The following CDH11 variants were observed in gnomAD, a reference collection of about 807,000 sequenced individuals.
The protein encoded by CDH11 is cadherin-11.
Under a neutral mutation model 67.8 loss-of-function variants are expected in CDH11, and 11 were observed. That is an observed-to-expected ratio of 0.16 (90% confidence interval 0.10 to 0.27). CDH11 has a LOEUF of 0.27. Among genes scored for constraint, CDH11 ranks in the 10% least tolerant of loss-of-function variants. The pLI is 1.00. For synonymous variants in CDH11, 419 were observed against 400.0 expected (o/e 1.05, Z -0.57); for missense variants, 847 against 1,031.2 (o/e 0.82, Z 2.45).
intron 2 of CDH11, among the ~76,000 whole-genome samples, chr16:65,041,014 T>G (rs1319724289): frequency 6.6e-6 from 1 of 152,144 alleles, no homozygotes; most frequent in Admixed American, 6.5e-5. Flanking sequence ...TAGAACATAT[T>G]TTACTAACCA....
chr16:64,951,135 G>A (rs190098756), intron 11 of CDH11, 117 bp from the exon 12 acceptor site: 5 of 971,420 alleles, frequency 5.1e-6, no homozygotes, highest in East Asian at 5.2e-5. Flanking sequence ...CGCCAGAATC[G>A]TTCTTACTTG....
intron 1 of CDH11, among the ~76,000 whole-genome samples, chr16:65,063,313 C>T (rs568019226): frequency 6.6e-6 from 1 of 152,028 alleles, no homozygotes; most frequent in South Asian, 2.1e-4. Flanking sequence ...TTACTAACTC[C>T]ATTGTTAAGA....
intron 7 of CDH11, chr16:64,986,740 C>T (rs1567510030): frequency 6.6e-6 from 1 of 152,078 alleles, no homozygotes; most frequent in Non-Finnish European, 1.5e-5. Context: ...TAGACTTTTC[C>T]AAGTATCCAA....
At chr16:65,027,805 C>A (rs2073563902) in intron 2 of CDH11, among the ~76,000 whole-genome samples, 1 of 152,182 alleles carries the variant, frequency 6.6e-6, no homozygotes, top group African/African-American at 2.4e-5. Flanking sequence ...CATCCTCCAT[C>A]TCTTCCATGC....
intron 2 of CDH11, among the ~76,000 whole-genome samples, chr16:65,029,439 T>C (rs947551185): frequency 2.0e-5 from 3 of 152,222 alleles, no homozygotes; most frequent in Non-Finnish European, 4.4e-5. Context: ...GACTGAACTT[T>C]GAGCAGACAG....
At chr16:65,114,991 C>T (rs908276175) in intron 1 of CDH11, among the ~76,000 whole-genome samples, 1 of 152,114 alleles carries the variant, frequency 6.6e-6, no homozygotes, top group Non-Finnish European at 1.5e-5. Flanking sequence ...GAAAAACAAA[C>T]AGGAACAGTC....
At chr16:65,003,757 T>C (rs1278199222) in intron 3 of CDH11, among the ~76,000 whole-genome samples, 3 of 152,254 alleles carry the variant, frequency 2.0e-5, no homozygotes, top group Non-Finnish European at 4.4e-5. Flanking sequence ...GGTTTTACCA[T>C]GCCTGTGGAA....
intron 11 of CDH11, among the ~76,000 whole-genome samples, chr16:64,965,798 ACACACACACACACACACAC>A (rs2071808963): frequency 6.6e-6 from 1 of 151,110 alleles, no homozygotes; most frequent in Non-Finnish European, 1.5e-5. Flanking sequence ...ACACACACAC[ACACACACACACACACACAC>A]AAGCTTATTT....
At chr16:65,098,492 C>T (rs2074936718) in intron 1 of CDH11, among the ~76,000 whole-genome samples, 2 of 151,848 alleles carry the variant, frequency 1.3e-5, no homozygotes, top group African/African-American at 4.8e-5. Context: ...GCTGGAGAAT[C>T]GCAGATTGCA....
intron 3 of CDH11, among the ~76,000 whole-genome samples, chr16:64,999,754 C>T (rs546034032): frequency 8.7e-4 from 132 of 152,198 alleles, no homozygotes; most frequent in African/African-American, 2.8e-3. Flanking sequence ...AGGCTGGTCT[C>T]GAACCCCTGA....
chr16:64,945,301 T>TAAAAAA lies in CDH11; in HGVS notation c.*2296_*2301dup, dbSNP rs3046001. 13 of 388,302 alleles carry TAAAAAA rather than the reference T, an allele frequency of 3.3e-5. No individual in the cohort carries two copies. Among genetic ancestry groups the TAAAAAA allele is most frequent in the Admixed American group, 1.5e-4 (2 of 13,050 alleles). 24.1% of individuals were successfully genotyped at this position (388,302 alleles called of 1,614,324 possible). A position where few individuals can be genotyped will look rare whatever the true frequency, so the allele number is the denominator to read the frequency against. Reference sequence around the variant, plus strand: ...AGAGGCTTAACGAAAAAATAAAAGGTAAAAAAAAAAAAAAAAAAGAAAAAG... The same window carrying TAAAAAA: ...AGAGGCTTAACGAAAAAATAAAAGGTAAAAAAAAAAAAAAAAAAAAAAAAGAAAAAG... On this transcript the variant is annotated 3_prime_UTR_variant, in exon 13 of 13. Coordinates refer to ENST00000268603, the MANE Select transcript of CDH11 (RefSeq NM_001797.4).
chr16:65,061,769 C>T (rs145269777), intron 1 of CDH11, among the ~76,000 whole-genome samples: 108 of 152,246 alleles, frequency 7.1e-4, no homozygotes, highest in Non-Finnish European at 1.2e-3. Flanking sequence ...CTGAATGTTC[C>T]GCAGACACAA....
Position 65,121,764 on chromosome 16 carries a change from C to G in CDH11, c.-298+116G>C. ...TAGTGAAGCCTTCTCGACTCAGATA[C>G]CACCGTCCCCCTCACCACCCCGCCC... On this transcript the variant is annotated intron_variant, in intron 1 of 12. Transcript: ENST00000268603. The surrounding 1 kb of genome is among the most constrained non-coding windows in gnomAD (Gnocchi z 4.1). 1.4e-6 allele frequency: 1 copy of G among 696,714 alleles called. No homozygotes were observed. Among genetic ancestry groups the G allele is most frequent in the Non-Finnish European group, 2.6e-6 (1 of 382,870 alleles). The allele number at this position is 696,714 out of a possible 1,614,324, so 43.2% of individuals were successfully genotyped here.
intron 12 of CDH11, among the ~76,000 whole-genome samples, chr16:64,949,898 T>C (rs1461930213): frequency 6.6e-6 from 1 of 152,152 alleles, no homozygotes; most frequent in Non-Finnish European, 1.5e-5. Flanking sequence ...ATAGGGCCCG[T>C]TGCCCAGAGA....
chr16:65,083,163 C>T (rs944857042), intron 1 of CDH11, among the ~76,000 whole-genome samples: 5 of 152,124 alleles, frequency 3.3e-5, no homozygotes, highest in African/African-American at 4.8e-5. Context: ...GTTTGAGTGC[C>T]TCACTTGAAT....
intron 7 of CDH11, chr16:64,985,528 C>T: frequency 6.6e-6 from 1 of 151,738 alleles, no homozygotes; most frequent in East Asian, 1.9e-4. Flanking sequence ...AACTATCCAG[C>T]AAATTTCTCC....
intron 2 of CDH11, among the ~76,000 whole-genome samples, chr16:65,014,963 C>T (rs562427215): frequency 4.6e-5 from 7 of 151,330 alleles, no homozygotes; most frequent in Non-Finnish European, 7.4e-5. Flanking sequence ...TCAAGTGATT[C>T]TCCTGCCTCA....
At chr16:65,041,948 C>CAG (rs138087843) in intron 2 of CDH11, among the ~76,000 whole-genome samples, 32 of 150,988 alleles carry the variant, frequency 2.1e-4, no homozygotes, top group African/African-American at 2.9e-4. Context: ...AGGAGGAACT[C>CAG]AGAGAGAGAG....
At chr16:65,114,697 G>A (rs1050843269) in intron 1 of CDH11, among the ~76,000 whole-genome samples, 6 of 152,152 alleles carry the variant, frequency 3.9e-5, no homozygotes, top group Non-Finnish European at 7.3e-5. Flanking sequence ...TGACACCGGC[G>A]AGCCGCAGAT....
Sources: gnomAD v4.1 joint callset for allele counts (sites outside exome capture counted in the v4.1 genomes callset) on GRCh38, gnomAD v4.1.1 for gene constraint, Gnocchi (gnomAD v3.1) non-coding constraint, MANE v1.5 for transcripts, NCBI Gene and HGNC (gene_info 2026-07-23, HGNC 2026-07-21) for gene names.